The following M1AP variants were observed in gnomAD, a reference collection of about 807,000 sequenced individuals.
The protein encoded by M1AP is meiosis 1 associated protein, also known as meiosis 1 arrest protein.
M1AP carries 39 observed loss-of-function variants against 51.2 expected under a neutral mutation model. The ratio of observed to expected loss-of-function variants is 0.76; its 90% CI spans 0.59 to 1.00. M1AP has a LOEUF of 1.00. M1AP is among the 50% of genes least tolerant of loss of function. The pLI is 0.00. For synonymous variants in M1AP, 251 were observed against 249.2 expected, an observed-to-expected ratio of 1.01 and a Z score of -0.07; for missense variants, 545 against 641.2, an observed-to-expected ratio of 0.85 and a Z score of 1.62.
intron 2 of M1AP, among the ~76,000 whole-genome samples, chr2:74,617,796 G>T (rs1243805905): frequency 6.6e-6 from 1 of 152,122 alleles, no homozygotes; most frequent in Non-Finnish European, 1.5e-5. Flanking sequence ...ATTATCGAAG[G>T]TTCAGAAGTA....
intron 5 of M1AP, among the ~76,000 whole-genome samples, chr2:74,579,182 G>C (rs1305814836): frequency 6.6e-6 from 1 of 152,212 alleles, no homozygotes; most frequent in Non-Finnish European, 1.5e-5. Flanking sequence ...GAAAGCTTTG[G>C]AAAGACAGAG....
intron 6 of M1AP, 102 bp from the exon 7 acceptor site, chr2:74,575,681 C>A: frequency 1.1e-6 from 1 of 877,992 alleles, no homozygotes; most frequent in Non-Finnish European, 1.8e-6. Context: ...ACTGTGAAAG[C>A]TTTTAAATTA....
intron 2 of M1AP, among the ~76,000 whole-genome samples, chr2:74,632,861 G>T (rs1682778946): frequency 6.6e-6 from 1 of 152,020 alleles, no homozygotes; most frequent in Admixed American, 6.6e-5. Flanking sequence ...AAAGATTAAG[G>T]GATTCAACTA....
intron 3 of M1AP, among the ~76,000 whole-genome samples, chr2:74,613,566 G>A (rs995967549): frequency 6.6e-6 from 1 of 152,102 alleles, no homozygotes; most frequent in Non-Finnish European, 1.5e-5. Flanking sequence ...CTACATTGAA[G>A]GATACAGCTG....
chr2:74,588,241 C>G (rs1679831989), intron 4 of M1AP, among the ~76,000 whole-genome samples: 1 of 152,178 alleles, frequency 6.6e-6, no homozygotes, highest in Non-Finnish European at 1.5e-5. Context: ...TTCATCTGTA[C>G]ATGCATAGAT....
intron 5 of M1AP, among the ~76,000 whole-genome samples, chr2:74,578,352 C>T (rs911049413): frequency 1.5e-4 from 23 of 152,194 alleles, no homozygotes; most frequent in Non-Finnish European, 5.9e-5. Flanking sequence ...TGGTTTGCTG[C>T]ACCCATTAAC....
intron 5 of M1AP, chr2:74,576,915 G>T: frequency 8.9e-7 from 1 of 1,120,148 alleles, no homozygotes; most frequent in Non-Finnish European, 1.1e-6. Context: ...CTGAGCAGTT[G>T]TCTCATAGTG....
At chr2:74,587,176 A>G (rs1167623314) in intron 4 of M1AP, among the ~76,000 whole-genome samples, 1 of 151,868 alleles carries the variant, frequency 6.6e-6, no homozygotes. Flanking sequence ...CTCTTTTAGG[A>G]TAATAATATA....
intron 2 of M1AP, among the ~76,000 whole-genome samples, chr2:74,634,543 C>G (rs1004010226): frequency 6.6e-6 from 1 of 152,146 alleles, no homozygotes; most frequent in African/African-American, 2.4e-5. Flanking sequence ...AAGCTGCATG[C>G]CTTTTATTTC....
rs1284101363 is a variant in M1AP, at chr2:74,606,956, CAT to C, written c.595+97_595+98del. On this transcript the variant is annotated intron_variant, in intron 4 of 10. Transcript: ENST00000421985. ...ATGTGCACAACGTGCAGGTTTGTTA[CAT>C]ATGTATACATGTGCCATGTTGGTGT... The C allele has an allele frequency of 3.4e-6, 3 of 882,562 alleles. No individual in the cohort carries two copies. The African/African-American group carries it at 5.0e-5, about 15-fold the overall frequency. 54.7% of individuals were successfully genotyped at this position (882,562 alleles called of 1,614,324 possible).
Position 74,558,632 on chromosome 2 carries a change from A to G in M1AP, c.*84T>C. On this transcript the variant is annotated 3_prime_UTR_variant, in exon 11 of 11. Transcript: ENST00000421985. ...CTCACAGAGGCTCAGGCGGATAGAG[A>G]GCAAGTCTGACCACAGATAGCCATT... 2.0e-6 allele frequency: 3 copies of G among 1,520,082 alleles called. No individual in the cohort carries two copies. Among genetic ancestry groups the G allele is most frequent in the Non-Finnish European group, 2.7e-6 (3 of 1,112,538 alleles). The allele number at this position is 1,520,082 out of a possible 1,614,324, so 94.2% of individuals were successfully genotyped here. A position where few individuals can be genotyped will look rare whatever the true frequency, so the allele number is the denominator to read the frequency against.
chr2:74,604,193 CT>C (rs1234092221), intron 4 of M1AP, among the ~76,000 whole-genome samples: 1 of 152,216 alleles, frequency 6.6e-6, no homozygotes, highest in African/African-American at 2.4e-5. Flanking sequence ...CCACCTCTGC[CT>C]GACAGGCTCT....
intron 2 of M1AP, among the ~76,000 whole-genome samples, chr2:74,636,751 C>T (rs569819185): frequency 1.3e-5 from 2 of 152,108 alleles, no homozygotes; most frequent in East Asian, 3.9e-4. Flanking sequence ...CTTTCCCCTG[C>T]TTTGTTTATA....
intron 7 of M1AP, among the ~76,000 whole-genome samples, chr2:74,574,256 C>T (rs1339892265): frequency 6.6e-6 from 1 of 152,162 alleles, no homozygotes; most frequent in Non-Finnish European, 1.5e-5. Context: ...TTTCATGTGA[C>T]TGCTTTTATT....
chr2:74,562,521 T>G, intron 7 of M1AP, 98 bp from the exon 8 acceptor site: 2 of 1,371,652 alleles, frequency 1.5e-6, no homozygotes, highest in Non-Finnish European at 2.0e-6. Context: ...CCAGGGGTGC[T>G]GAGGAGGGCA....
chr2:74,582,912 G>A (rs1406963916), intron 4 of M1AP, among the ~76,000 whole-genome samples: 1 of 151,922 alleles, frequency 6.6e-6, no homozygotes, highest in Non-Finnish European at 1.5e-5. Flanking sequence ...TTCCAGCTAC[G>A]TGGAAGGCTG....
chr2:74,570,548 T>C (rs891448659), intron 7 of M1AP, among the ~76,000 whole-genome samples: 10 of 152,208 alleles, frequency 6.6e-5, no homozygotes, highest in Admixed American at 6.5e-4. Flanking sequence ...AGAAACAGCA[T>C]ACAAATGTCT....
At chr2:74,604,659 G>C (rs1406206217) in intron 4 of M1AP, among the ~76,000 whole-genome samples, 1 of 152,168 alleles carries the variant, frequency 6.6e-6, no homozygotes, top group African/African-American at 2.4e-5. Flanking sequence ...CCATGGCCCG[G>C]GGGTTGGAGA....
intron 2 of M1AP, among the ~76,000 whole-genome samples, chr2:74,636,240 G>A (rs767792156): frequency 5.9e-5 from 9 of 151,772 alleles, no homozygotes; most frequent in Non-Finnish European, 1.2e-4. Flanking sequence ...TCTTTGATCC[G>A]AAATCTGTTT....
Sources: gnomAD v4.1 joint callset for allele counts (sites outside exome capture counted in the v4.1 genomes callset) on GRCh38, gnomAD v4.1.1 for gene constraint, MANE v1.5 for transcripts, NCBI Gene and HGNC (gene_info 2026-07-23, HGNC 2026-07-21) for gene names.